The following PTPRC variants were observed in gnomAD, a reference collection of about 807,000 sequenced individuals.
The protein encoded by PTPRC is protein tyrosine phosphatase receptor type C.
In PTPRC, 44 loss-of-function variants were observed where a neutral mutation model predicts 155.9. The ratio of observed to expected loss-of-function variants is 0.28; its 90% confidence interval spans 0.22 to 0.36. The LOEUF (loss-of-function observed/expected upper bound fraction) is 0.36. Ranked by LOEUF, PTPRC falls within the 10% of genes least tolerant of loss-of-function variation. PTPRC has a pLI of 1.00. For synonymous variants in PTPRC, 525 were observed against 533.1 expected (o/e 0.98, Z 0.21); for missense variants, 1,401 against 1,564.6 (o/e 0.90, Z 1.76).
intron 14 of PTPRC, among the ~76,000 whole-genome samples, chr1:198,719,258 T>C (rs760921969): frequency 8.5e-5 from 13 of 152,076 alleles, no homozygotes; most frequent in Non-Finnish European, 1.5e-4. Flanking sequence ...CTTTATTTGG[T>C]GGTTGAAATA....
chr1:198,694,054 A>C (rs1225312526), intron 3 of PTPRC: 2 of 1,549,206 alleles, frequency 1.3e-6, no homozygotes, highest in Non-Finnish European at 1.7e-6. Context: ...AGCCAATCCA[A>C]GTCACCAAAC....
chr1:198,702,044 G>T (rs1364246574), intron 5 of PTPRC, among the ~76,000 whole-genome samples: 2 of 152,206 alleles, frequency 1.3e-5, no homozygotes, highest in African/African-American at 4.8e-5. Context: ...CACTAAGACA[G>T]CACCAGTCTC....
rs1295287432 is a variant in PTPRC, at chr1:198,757,262, A to ATTAT, written c.*1084_*1087dup. The ATTAT allele has an allele frequency of 2.0e-5, 3 of 151,776 alleles. No homozygotes were observed. The highest frequency in any genetic ancestry group is 1.3e-4 in the Admixed American group (2 of 15,220). 9.4% of individuals were successfully genotyped at this position (151,776 alleles called of 1,614,324 possible). ...TCGCTAATCATAATAAAATTCAACCATTATTTTTTTCTTGTTTATAATACA... is the reference window on the plus strand; with the variant it reads ...TCGCTAATCATAATAAAATTCAACCATTATTTATTTTTTTCTTGTTTATAATACA... On this transcript the variant is annotated 3_prime_UTR_variant, in exon 33 of 33. Coordinates refer to ENST00000442510, the MANE Select transcript of PTPRC (RefSeq NM_002838.5).
At chr1:198,729,433 G>C (rs907797566) in intron 17 of PTPRC, among the ~76,000 whole-genome samples, 1 of 151,944 alleles carries the variant, frequency 6.6e-6, no homozygotes, top group Admixed American at 6.6e-5. Flanking sequence ...AGTAGAGATG[G>C]GATATCACCA....
At chr1:198,718,331 G>C (rs543721311) in intron 14 of PTPRC, 29 bp downstream of exon 14, 1 of 1,509,752 alleles carries the variant, frequency 6.6e-7, no homozygotes, top group South Asian at 1.1e-5. Context: ...CATTACTATA[G>C]TACCAACTAC....
At chr1:198,723,907 G>A (rs957314100) in intron 15 of PTPRC, among the ~76,000 whole-genome samples, 9 of 152,204 alleles carry the variant, frequency 5.9e-5, no homozygotes, top group African/African-American at 2.2e-4. Flanking sequence ...ATTTCCATGG[G>A]CATAGCTTCC....
intron 2 of PTPRC, among the ~76,000 whole-genome samples, chr1:198,674,464 G>A (rs565211199): frequency 6.7e-6 from 1 of 150,240 alleles, no homozygotes; most frequent in Non-Finnish European, 1.5e-5. Flanking sequence ...AGTAATGGTA[G>A]CCTTCACTAT....
chr1:198,744,584 T>C (rs1051380561), intron 26 of PTPRC, among the ~76,000 whole-genome samples: 2 of 151,810 alleles, frequency 1.3e-5, no homozygotes, highest in African/African-American at 4.8e-5. Context: ...ATTAGAAGAG[T>C]TTATGACTGC....
intron 8 of PTPRC, among the ~76,000 whole-genome samples, chr1:198,705,042 ATC>A (rs1652863009): frequency 6.6e-6 from 1 of 152,062 alleles, no homozygotes; most frequent in African/African-American, 2.4e-5. Flanking sequence ...AAGAAGAAAA[ATC>A]TCTCTTTTTC....
chr1:198,705,019 T>C (rs997249040), intron 8 of PTPRC, among the ~76,000 whole-genome samples: 14 of 152,204 alleles, frequency 9.2e-5, no homozygotes, highest in African/African-American at 3.1e-4. Flanking sequence ...GGATAATACC[T>C]TCAAAGCTTA....
chr1:198,738,394 T>C (rs893758685), intron 23 of PTPRC, among the ~76,000 whole-genome samples: 1 of 152,020 alleles, frequency 6.6e-6, no homozygotes, highest in Admixed American at 6.6e-5. Context: ...TTTTTCAGCA[T>C]CAATTGAAAT....
chr1:198,735,397 C>T, intron 23 of PTPRC, 145 bp downstream of exon 23: 1 of 790,340 alleles, frequency 1.3e-6, no homozygotes, highest in Non-Finnish European at 1.9e-6. Context: ...AGAACAATGA[C>T]AAAAATCAAT....
At chr1:198,712,871 A>G in intron 11 of PTPRC, 82 bp from the exon 12 acceptor site, 1 of 1,372,946 alleles carries the variant, frequency 7.3e-7, no homozygotes, top group South Asian at 1.2e-5. Context: ...TATGGTTATC[A>G]ATAATGCATG....
At chr1:198,754,162 G>A (rs976392247) in intron 31 of PTPRC, 107 bp from the exon 32 acceptor site, 1 of 1,335,986 alleles carries the variant, frequency 7.5e-7, no homozygotes, top group African/African-American at 1.5e-5. Context: ...AGATAATTAT[G>A]ATAAACATGA....
intron 2 of PTPRC, among the ~76,000 whole-genome samples, chr1:198,663,788 C>T (rs1442308140): frequency 1.3e-5 from 2 of 152,120 alleles, no homozygotes; most frequent in African/African-American, 4.8e-5. Context: ...GCATACCTCA[C>T]AGGTACTAAA....
chr1:198,745,705 G>A (rs1402124397), intron 26 of PTPRC, among the ~76,000 whole-genome samples: 1 of 151,768 alleles, frequency 6.6e-6, no homozygotes, highest in Non-Finnish European at 1.5e-5. Context: ...TGTGTATGCA[G>A]ATAGTTGAGT....
rs775186455 is a variant in PTPRC at position 198,671,678 on chromosome 1, A to C, written c.74-20669A>C. Among the ~76,000 whole-genome samples, 45 of 152,208 alleles carry C rather than the reference A, an allele frequency of 3.0e-4. 1 individual carries two copies. The highest frequency in any genetic ancestry group is 4.4e-4 in the Non-Finnish European group (30 of 68,032). On this transcript the variant is annotated intron_variant, in intron 2 of 32. Transcript: ENST00000442510. ...AGTATCCCACTGGTATCTCAAATTCAACATTATTGAACTCAAAAACTTCTT... is the reference window on the plus strand; with the variant it reads ...AGTATCCCACTGGTATCTCAAATTCCACATTATTGAACTCAAAAACTTCTT...
intron 31 of PTPRC, among the ~76,000 whole-genome samples, chr1:198,753,188 A>G (rs756840765): frequency 8.6e-5 from 13 of 152,042 alleles, no homozygotes; most frequent in Non-Finnish European, 1.8e-4. Flanking sequence ...AATGAACACA[A>G]AGTTTATTAA....
chr1:198,676,848 G>T (rs1400609720), intron 2 of PTPRC, among the ~76,000 whole-genome samples: 1 of 152,100 alleles, frequency 6.6e-6, no homozygotes, highest in Non-Finnish European at 1.5e-5. Flanking sequence ...TTTCTTCTTT[G>T]CTCAGTATAA....
Sources: allele counts gnomAD v4.1 joint callset (sites outside exome capture counted in the v4.1 genomes callset), GRCh38; gene constraint gnomAD v4.1.1; transcripts MANE v1.5; gene names NCBI Gene and HGNC (gene_info 2026-07-23, HGNC 2026-07-21).